The following DOCK2 variants were observed in gnomAD, a reference collection of about 807,000 sequenced individuals.
The protein encoded by DOCK2 is dedicator of cytokinesis protein 2.
A neutral mutation model predicts 248.9 loss-of-function variants in DOCK2; 87 were observed. The observed-to-expected ratio is 0.35, with a 90% confidence interval of 0.29 to 0.42. DOCK2 has a LOEUF of 0.42. Among genes scored for constraint, DOCK2 ranks in the 10% least tolerant of loss-of-function variants. DOCK2 has a pLI of 1.00. For missense variants in DOCK2, 1,747 were observed against 2,300.2 expected (o/e 0.76, Z 4.92); for synonymous variants, 805 against 821.6 (o/e 0.98, Z 0.35).
intron 27 of DOCK2, among the ~76,000 whole-genome samples, chr5:169,904,822 A>G (rs1774178510): frequency 6.6e-6 from 1 of 152,146 alleles, no homozygotes; most frequent in Non-Finnish European, 1.5e-5. Context: ...CCTAGTAGCA[A>G]CACATTTCTG....
At chr5:169,673,072 G>A (rs956378293) in intron 5 of DOCK2, among the ~76,000 whole-genome samples, 1 of 152,048 alleles carries the variant, frequency 6.6e-6, no homozygotes, top group African/African-American at 2.4e-5. Context: ...TAAATTATTG[G>A]CTATTGGTGC....
intron 29 of DOCK2, among the ~76,000 whole-genome samples, chr5:169,986,203 C>A (rs1778065461): frequency 6.6e-6 from 1 of 152,058 alleles, no homozygotes; most frequent in Non-Finnish European, 1.5e-5. Flanking sequence ...CTTAGAAAAG[C>A]ATTTTAAAAA....
chr5:169,834,696 A>C (rs1306365242), intron 26 of DOCK2, among the ~76,000 whole-genome samples: 1 of 151,808 alleles, frequency 6.6e-6, no homozygotes, highest in African/African-American at 2.4e-5. Context: ...CTCCAGCTAA[A>C]TGTCCCAACC....
chr5:169,729,132 A>G (rs1353316257), intron 22 of DOCK2, among the ~76,000 whole-genome samples: 1 of 152,192 alleles, frequency 6.6e-6, no homozygotes, highest in Non-Finnish European at 1.5e-5. Flanking sequence ...AAACGTGTAG[A>G]TTTAGAAACT....
chr5:169,715,610 A>ATTT (rs1561629959), intron 19 of DOCK2, among the ~76,000 whole-genome samples: 8 of 148,524 alleles, frequency 5.4e-5, no homozygotes, highest in African/African-American at 2.0e-4. Flanking sequence ...TTTTTTTTTA[A>ATTT]AAAAGTTTGT....
At chr5:170,082,647 G>A in intron 51 of DOCK2, 149 bp from the exon 52 acceptor site, 2 of 1,014,808 alleles carry the variant, frequency 2.0e-6, no homozygotes, top group East Asian at 2.7e-5. Context: ...TGCCTTTCTG[G>A]CCAAAGCCAA....
At chr5:169,673,781 A>G (rs545596631) in intron 5 of DOCK2, among the ~76,000 whole-genome samples, 1 of 152,324 alleles carries the variant, frequency 6.6e-6, no homozygotes, top group East Asian at 1.9e-4. Flanking sequence ...TCTTTCCCTT[A>G]CACAGAAGGA....
chr5:169,774,795 G>A (rs1037709439), intron 25 of DOCK2, among the ~76,000 whole-genome samples: 6 of 152,070 alleles, frequency 3.9e-5, no homozygotes, highest in African/African-American at 1.4e-4. Context: ...TAAACATGTG[G>A]GAACCTTCTT....
At chr5:170,045,711 C>T (rs554560288) in intron 38 of DOCK2, 105 bp from the exon 39 acceptor site, 13 of 1,139,400 alleles carry the variant, frequency 1.1e-5, no homozygotes, top group South Asian at 3.7e-5. Flanking sequence ...AGCAAGGTTT[C>T]CCCTCAGTCC....
chr5:169,684,136 C>T, intron 7 of DOCK2, 60 bp from the exon 8 acceptor site: 1 of 1,566,938 alleles, frequency 6.4e-7, no homozygotes, highest in African/African-American at 1.4e-5. Context: ...CTCTCTGTTG[C>T]TCTAAGTGGT....
intron 27 of DOCK2, among the ~76,000 whole-genome samples, chr5:169,848,323 G>A (rs1770436144): frequency 6.6e-6 from 1 of 152,226 alleles, no homozygotes; most frequent in Non-Finnish European, 1.5e-5. Context: ...CTGCTGGTAG[G>A]AATAAGCAGG....
At chr5:170,045,109 A>C (rs1756655174) in intron 38 of DOCK2, among the ~76,000 whole-genome samples, 1 of 152,044 alleles carries the variant, frequency 6.6e-6, no homozygotes, top group Non-Finnish European at 1.5e-5. Context: ...ATTTTTTTTT[A>C]ATATTCTAGC....
chr5:169,690,566 C>T (rs1760239911), intron 9 of DOCK2, among the ~76,000 whole-genome samples: 1 of 152,176 alleles, frequency 6.6e-6, no homozygotes, highest in African/African-American at 2.4e-5. Context: ...GCAAAGTTTT[C>T]TTGGCATATA....
chr5:169,689,154 G>A, intron 8 of DOCK2, 98 bp from the exon 9 acceptor site: 1 of 1,126,276 alleles, frequency 8.9e-7, no homozygotes, highest in South Asian at 1.3e-5. Flanking sequence ...CCAGCAGCCA[G>A]TATGGTGTTG....
At chr5:169,709,197 A>G (rs1196703948) in intron 15 of DOCK2, among the ~76,000 whole-genome samples, 1 of 152,160 alleles carries the variant, frequency 6.6e-6, no homozygotes, top group African/African-American at 2.4e-5. Flanking sequence ...CCCTTCAAAC[A>G]CTTGACCCTT....
chr5:169,968,646 A>G (rs1777387475), intron 27 of DOCK2, among the ~76,000 whole-genome samples: 1 of 152,184 alleles, frequency 6.6e-6, no homozygotes, highest in Non-Finnish European at 1.5e-5. Flanking sequence ...AACTGCAGAG[A>G]GACTGAGTCT....
At chr5:169,793,848 C>T (rs1404859196) in intron 25 of DOCK2, among the ~76,000 whole-genome samples, 5 of 152,158 alleles carry the variant, frequency 3.3e-5, no homozygotes, top group African/African-American at 1.2e-4. Context: ...CCTTTCCATG[C>T]CCTTTCCTCT....
chr5:169,649,533 A>G (rs1042410430), intron 1 of DOCK2, among the ~76,000 whole-genome samples: 6 of 152,226 alleles, frequency 3.9e-5, no homozygotes, highest in African/African-American at 1.4e-4. Flanking sequence ...GTGGTCAACA[A>G]GATAGGCTCA....
At chr5:170,062,100 A>AGTGT (rs148650076) in intron 44 of DOCK2, among the ~76,000 whole-genome samples, 2,819 of 144,372 alleles carry the variant, frequency 0.02, 75 homozygotes, top group African/African-American at 0.063. Context: ...TATGTATATG[A>AGTGT]GTGTGTGTGT....
Sources: allele counts gnomAD v4.1 joint callset (sites outside exome capture counted in the v4.1 genomes callset), GRCh38; gene constraint gnomAD v4.1.1; transcripts MANE v1.5; gene names NCBI Gene and HGNC (gene_info 2026-07-23, HGNC 2026-07-21).